MB21D2: variants seen among roughly 807,000 people sequenced by gnomAD.
The protein encoded by MB21D2 is nucleotidyltransferase MB21D2.
A neutral mutation model predicts 33.3 loss-of-function variants in MB21D2; 9 were observed. That is an observed-to-expected ratio of 0.27 (90% confidence interval 0.16 to 0.47). The LOEUF is 0.47. MB21D2 is among the 20% of genes least tolerant of loss of function. The pLI is 0.99. For synonymous variants in MB21D2, 241 were observed against 236.3 expected, an observed-to-expected ratio of 1.02 and a Z score of -0.18; for missense variants, 540 against 624.6, an observed-to-expected ratio of 0.86 and a Z score of 1.44.
intron 1 of MB21D2, among the ~76,000 whole-genome samples, chr3:192,858,001 T>C (rs748369004): frequency 6.6e-6 from 1 of 152,118 alleles, no homozygotes; most frequent in African/African-American, 2.4e-5. Context: ...GGTGCATGCC[T>C]GTAATCCCAG....
intron 1 of MB21D2, among the ~76,000 whole-genome samples, chr3:192,876,026 G>A (rs139099880): frequency 1.4e-4 from 22 of 152,250 alleles, no homozygotes; most frequent in Admixed American, 2.6e-4. Flanking sequence ...CCTCTCTAGA[G>A]TCCTTTCCTC....
intron 1 of MB21D2, among the ~76,000 whole-genome samples, chr3:192,832,872 G>A (rs1202259239): frequency 6.6e-6 from 1 of 152,128 alleles, no homozygotes; most frequent in East Asian, 1.9e-4. Flanking sequence ...AAAGTTGCTA[G>A]GCAACCATAT....
At chr3:192,888,949 T>C (rs886347250) in intron 1 of MB21D2, among the ~76,000 whole-genome samples, 16 of 151,944 alleles carry the variant, frequency 1.1e-4, no homozygotes, top group African/African-American at 3.9e-4. Flanking sequence ...TGGACTCTGG[T>C]AGAGTCTAAG....
rs1002912505 is a variant in MB21D2, at chr3:192,843,071, A to G, written c.212-43421T>C. ...ATGCATGGGAGGTCTTTTAGCCTAC[A>G]CTCATTTTGTAGTTAGGAAAATTGA... is the stretch of plus-strand genomic sequence containing the variant. On this transcript the variant is annotated intron_variant, in intron 1 of 1. Transcript: ENST00000392452. 3.3e-4 allele frequency among the ~76,000 whole-genome samples: 50 copies of G among 152,136 alleles called. 2 individuals carry two copies. Among genetic ancestry groups the G allele is most frequent in the Non-Finnish European group, 1.5e-5 (1 of 68,032 alleles).
intron 1 of MB21D2, among the ~76,000 whole-genome samples, chr3:192,822,273 C>T (rs1405425681): frequency 1.3e-5 from 2 of 152,136 alleles, no homozygotes; most frequent in South Asian, 2.1e-4. Context: ...TTGAAGAGAG[C>T]TTGTGATACA....
intron 1 of MB21D2, among the ~76,000 whole-genome samples, chr3:192,828,794 G>A (rs1046443398): frequency 8.0e-5 from 12 of 150,018 alleles, no homozygotes; most frequent in Admixed American, 2.7e-4. Context: ...GACTACAGGC[G>A]CCCGCCATCA....
At chr3:192,906,928 A>T (rs184089148) in intron 1 of MB21D2, among the ~76,000 whole-genome samples, 57 of 152,364 alleles carry the variant, frequency 3.7e-4, no homozygotes, top group Admixed American at 2.7e-3. Flanking sequence ...CCTAAACAAG[A>T]CTTATACCAA....
chr3:192,894,600 CA>C (rs1560253539), intron 1 of MB21D2, among the ~76,000 whole-genome samples: 1 of 152,132 alleles, frequency 6.6e-6, no homozygotes, highest in African/African-American at 2.4e-5. Flanking sequence ...TAAAAGCTGC[CA>C]GTCTTACAAA....
chr3:192,853,144 G>A (rs1254744497), intron 1 of MB21D2, among the ~76,000 whole-genome samples: 1 of 151,768 alleles, frequency 6.6e-6, no homozygotes, highest in Non-Finnish European at 1.5e-5. Flanking sequence ...ATTATAAATG[G>A]ACAAATGAAT....
intron 1 of MB21D2, among the ~76,000 whole-genome samples, chr3:192,877,450 C>G (rs142307535): frequency 1.3e-5 from 2 of 152,136 alleles, no homozygotes; most frequent in Non-Finnish European, 2.9e-5. Context: ...ACAGGTCATG[C>G]GTATCCTTTA....
At chr3:192,909,255 CA>C (rs552013602) in intron 1 of MB21D2, among the ~76,000 whole-genome samples, 6,592 of 110,810 alleles carry the variant, frequency 0.059, 172 homozygotes, top group African/African-American at 0.1. Context: ...GACTCTGTCT[CA>C]AAAAAAAAAA....
intron 1 of MB21D2, among the ~76,000 whole-genome samples, chr3:192,829,222 T>C (rs1292616235): frequency 6.6e-6 from 1 of 152,248 alleles, no homozygotes; most frequent in African/African-American, 2.4e-5. Context: ...TTCACCCATT[T>C]TGTTGATTCA....
At chr3:192,875,517 A>T (rs1444832001) in intron 1 of MB21D2, among the ~76,000 whole-genome samples, 2 of 152,170 alleles carry the variant, frequency 1.3e-5, no homozygotes, top group Non-Finnish European at 2.9e-5. Flanking sequence ...TTTTAATTTT[A>T]ATTTTTCATT....
intron 1 of MB21D2, among the ~76,000 whole-genome samples, chr3:192,901,291 C>T (rs532284666): frequency 2.6e-5 from 4 of 151,488 alleles, no homozygotes; most frequent in South Asian, 2.1e-4. Flanking sequence ...TTATTGCGGC[C>T]GGGAGCGGTG....
intron 1 of MB21D2, among the ~76,000 whole-genome samples, chr3:192,836,782 TG>T (rs1466046706): frequency 6.6e-6 from 1 of 152,210 alleles, no homozygotes. Context: ...ACTGTTTACA[TG>T]GATCAATCAT....
At chr3:192,893,978 T>C (rs1255530201) in intron 1 of MB21D2, among the ~76,000 whole-genome samples, 1 of 152,098 alleles carries the variant, frequency 6.6e-6, no homozygotes, top group Non-Finnish European at 1.5e-5. Flanking sequence ...AGAGGCTGCC[T>C]GAGCTATGAT....
chr3:192,857,025 G>C (rs1172114090), intron 1 of MB21D2, among the ~76,000 whole-genome samples: 1 of 151,984 alleles, frequency 6.6e-6, no homozygotes, highest in Non-Finnish European at 1.5e-5. Context: ...CAGCAAACAA[G>C]AAAAAAGTAC....
Position 192,849,711 on chromosome 3 carries a change from TA to T in MB21D2, c.212-50062del, listed in dbSNP as rs539726099. On this transcript the variant is annotated intron_variant, in intron 1 of 1. Coordinates refer to ENST00000392452, the MANE Select transcript of MB21D2 (RefSeq NM_178496.4). ...TTTTCATGACACTTATTCTATTAAA[TA>T]AAAAAAACTATATTTATTTATGTCT... 7.8e-4 allele frequency among the ~76,000 whole-genome samples: 119 copies of T among 152,166 alleles called. 1 individual carries two copies. Among genetic ancestry groups the T allele is most frequent in the Middle Eastern group, 3.4e-3 (1 of 294 alleles).
At chr3:192,906,206 T>G (rs73201180) in intron 1 of MB21D2, among the ~76,000 whole-genome samples, 5 of 152,268 alleles carry the variant, frequency 3.3e-5, no homozygotes, top group Non-Finnish European at 5.9e-5. Context: ...GAGAATCACA[T>G]GGCGACAGAG....
Sources: allele counts gnomAD v4.1 joint callset (sites outside exome capture counted in the v4.1 genomes callset), GRCh38; gene constraint gnomAD v4.1.1; transcripts MANE v1.5; gene names NCBI Gene and HGNC (gene_info 2026-07-23, HGNC 2026-07-21).